The following LTBP1 variants were observed in gnomAD, a reference collection of about 807,000 sequenced individuals.
The protein encoded by LTBP1 is latent-transforming growth factor beta-binding protein 1.
Under a neutral mutation model 207.6 loss-of-function variants are expected in LTBP1, and 129 were observed. The observed-to-expected ratio is 0.62, with a 90% CI of 0.54 to 0.72. LTBP1 has a LOEUF of 0.72. Among genes scored for constraint, LTBP1 ranks in the 30% least tolerant of loss-of-function variants. The pLI is 0.00. For synonymous variants in LTBP1, 963 were observed against 833.7 expected (o/e 1.16, Z -2.67); for missense variants, 2,281 against 2,217.2 (o/e 1.03, Z -0.58).
chr2:33,019,618 A>AC (rs2075054835), intron 2 of LTBP1, among the ~76,000 whole-genome samples: 4 of 152,114 alleles, frequency 2.6e-5, no homozygotes, highest in African/African-American at 9.7e-5. Flanking sequence ...TACAGGCGTG[A>AC]GCCACTGTGC....
intron 22 of LTBP1, among the ~76,000 whole-genome samples, chr2:33,308,722 A>G (rs146655909): frequency 6.6e-6 from 1 of 152,254 alleles, no homozygotes; most frequent in Non-Finnish European, 1.5e-5. Flanking sequence ...TGTTTATTTT[A>G]TTGTTAATAA....
chr2:33,378,103 C>T (rs1024058583), intron 31 of LTBP1, among the ~76,000 whole-genome samples: 15 of 151,978 alleles, frequency 9.9e-5, no homozygotes, highest in Non-Finnish European at 1.9e-4. Flanking sequence ...TATGAATAGG[C>T]ATTCCGTTTT....
chr2:33,188,770 C>T lies in LTBP1; in HGVS notation c.1620C>T (p.His540=), dbSNP rs143232922. 62 of 1,614,208 alleles carry T rather than the reference C, an allele frequency of 3.8e-5. No homozygotes were observed. The African/African-American group carries it at 6.3e-4, about 16-fold the overall frequency. ...AGACCATACATTCCACATACTCCCA[C>T]CAGCAGGTCATTCCTCACGTCTACC... ...KTQTIHSTYS[H]QQVIPHVYPV... The change falls in exon 7 of 34, where the codon CAC becomes CAT. Residue 540 remains histidine (H), a synonymous_variant. Coordinates refer to ENST00000404816, the MANE Select transcript of LTBP1 (RefSeq NM_206943.4).
chr2:33,035,739 C>T (rs1344090763), intron 3 of LTBP1, among the ~76,000 whole-genome samples: 8 of 152,130 alleles, frequency 5.3e-5, no homozygotes, highest in Non-Finnish European at 1.2e-4. Flanking sequence ...TCTACGTTCA[C>T]GACTTGACAT....
chr2:33,115,315 AAAG>A (rs758802636), intron 4 of LTBP1, among the ~76,000 whole-genome samples: 14 of 152,148 alleles, frequency 9.2e-5, no homozygotes, highest in Non-Finnish European at 1.3e-4. Flanking sequence ...ACAGACACGG[AAAG>A]AAGATTAGCG....
chr2:33,236,644 T>C (rs2092065261), intron 9 of LTBP1, among the ~76,000 whole-genome samples: 1 of 152,224 alleles, frequency 6.6e-6, no homozygotes, highest in African/African-American at 2.4e-5. Context: ...TTTCAATAGC[T>C]CTTTGACCTT....
At chr2:33,213,620 G>A (rs1411802321) in intron 7 of LTBP1, among the ~76,000 whole-genome samples, 1 of 152,192 alleles carries the variant, frequency 6.6e-6, no homozygotes, top group Non-Finnish European at 1.5e-5. Context: ...ACCCTATGGT[G>A]TTCAGTGGTC....
chr2:32,991,005 A>G (rs1238400718), intron 2 of LTBP1, among the ~76,000 whole-genome samples: 1 of 152,192 alleles, frequency 6.6e-6, no homozygotes, highest in Non-Finnish European at 1.5e-5. Flanking sequence ...CCCTGGCTCA[A>G]AGTAGGATTA....
chr2:33,161,131 G>A (rs2084426454), intron 5 of LTBP1, among the ~76,000 whole-genome samples: 1 of 152,078 alleles, frequency 6.6e-6, no homozygotes, highest in Admixed American at 6.5e-5. Context: ...TTGGTGTAAA[G>A]CGATGTCATT....
chr2:33,039,156 C>T (rs1164523495), intron 3 of LTBP1, among the ~76,000 whole-genome samples: 1 of 152,150 alleles, frequency 6.6e-6, no homozygotes, highest in Non-Finnish European at 1.5e-5. Context: ...GTTATAATCC[C>T]ACTCTTCTCT....
At chr2:32,971,357 C>T (rs1056659800) in intron 2 of LTBP1, among the ~76,000 whole-genome samples, 1 of 152,032 alleles carries the variant, frequency 6.6e-6, no homozygotes, top group Admixed American at 6.6e-5. Flanking sequence ...AGTGGGCATC[C>T]TTGTCTTGTT....
chr2:33,194,482 C>A (rs530798624), intron 7 of LTBP1, among the ~76,000 whole-genome samples: 109 of 152,266 alleles, frequency 7.2e-4, no homozygotes, highest in African/African-American at 2.6e-3. Flanking sequence ...AGCTCTGTTG[C>A]TAATACGGAG....
intron 33 of LTBP1, 95 bp from the exon 34 acceptor site, chr2:33,398,269 G>A (rs2095377966): frequency 8.9e-7 from 1 of 1,127,312 alleles, no homozygotes; most frequent in Non-Finnish European, 1.3e-6. Context: ...CTTCCTTGGG[G>A]TGGTCGGGGG....
At chr2:33,292,600 C>A (rs2093796126) in intron 19 of LTBP1, among the ~76,000 whole-genome samples, 1 of 152,190 alleles carries the variant, frequency 6.6e-6, no homozygotes, top group Non-Finnish European at 1.5e-5. Flanking sequence ...AGCGTGTGCC[C>A]TACCTTCAAA....
At chr2:33,397,095 G>T in intron 32 of LTBP1, 38 bp from the exon 33 acceptor site, 2 of 1,590,806 alleles carry the variant, frequency 1.3e-6, no homozygotes, top group Admixed American at 1.7e-5. Flanking sequence ...ATAGGAAGTT[G>T]AGAAGCTCTA....
intron 7 of LTBP1, among the ~76,000 whole-genome samples, chr2:33,193,911 A>C (rs2088227547): frequency 6.6e-6 from 1 of 152,192 alleles, no homozygotes. Context: ...AATTAGGCTA[A>C]TTGATAATAA....
intron 31 of LTBP1, among the ~76,000 whole-genome samples, chr2:33,379,942 A>G (rs1013434323): frequency 2.6e-5 from 4 of 152,208 alleles, no homozygotes; most frequent in Non-Finnish European, 5.9e-5. Context: ...ATGAAGCTTT[A>G]AAAAAATAAG....
intron 24 of LTBP1, among the ~76,000 whole-genome samples, chr2:33,331,182 T>C (rs530221147): frequency 6.6e-6 from 1 of 151,826 alleles, no homozygotes; most frequent in Non-Finnish European, 1.5e-5. Context: ...AAACAACTTA[T>C]GTGGATTTGT....
intron 2 of LTBP1, among the ~76,000 whole-genome samples, chr2:33,018,540 G>C (rs1348727453): frequency 1.3e-5 from 2 of 152,190 alleles, no homozygotes; most frequent in African/African-American, 2.4e-5. Context: ...GGCCACTTCT[G>C]TTCTCTTGGG....
Sources: allele counts gnomAD v4.1 joint callset (sites outside exome capture counted in the v4.1 genomes callset), GRCh38; gene constraint gnomAD v4.1.1; transcripts MANE v1.5; gene names NCBI Gene and HGNC (gene_info 2026-07-23, HGNC 2026-07-21).